DNM3: variants seen among roughly 807,000 people sequenced by gnomAD.
DNM3 encodes dynamin 3.
Under a neutral mutation model 101.6 loss-of-function variants are expected in DNM3, and 47 were observed. The observed-to-expected ratio is 0.46, with a 90% confidence interval of 0.37 to 0.59. The LOEUF (loss-of-function observed/expected upper bound fraction) is 0.59, where lower values mean the gene tolerates loss of function less well. Among genes scored for constraint, DNM3 ranks in the 20% least tolerant of loss-of-function variants. The pLI is 0.00. For missense variants in DNM3, 849 were observed against 1,085.7 expected, an observed-to-expected ratio of 0.78 and a Z score of 3.06; for synonymous variants, 385 against 387.9, an observed-to-expected ratio of 0.99 and a Z score of 0.09.
chr1:172,118,627 A>G (rs2056087740), intron 13 of DNM3, among the ~76,000 whole-genome samples: 1 of 151,942 alleles, frequency 6.6e-6, no homozygotes, highest in Non-Finnish European at 1.5e-5. Flanking sequence ...GATTCACCAT[A>G]TGAAATCAGA....
chr1:171,847,896 C>CTCTCTGTGTGTG (rs1200145388), intron 1 of DNM3, among the ~76,000 whole-genome samples: 39 of 141,238 alleles, frequency 2.8e-4, no homozygotes, highest in African/African-American at 9.7e-4. Flanking sequence ...CTCTCTCTCT[C>CTCTCTGTGTGTG]TGTGTGTGTG....
intron 20 of DNM3, among the ~76,000 whole-genome samples, chr1:172,392,078 A>G (rs540239471): frequency 2.0e-5 from 3 of 152,178 alleles, no homozygotes; most frequent in Non-Finnish European, 4.4e-5. Context: ...TTCCATTCCA[A>G]TATAAAAGGA....
chr1:172,278,670 A>T lies in DNM3; in HGVS notation c.1769+24988A>T, dbSNP rs1382824211. Among the ~76,000 whole-genome samples the T allele has an allele frequency of 2.6e-5, 4 of 152,128 alleles. No homozygotes were observed. In the South Asian group the frequency reaches 8.3e-4, roughly 31 times the overall value. ...AACATCCCTGCTGTGTCCTGCCTTC[A>T]GTTAAAAATCAGGAATATCAGCATG... On this transcript the variant is annotated intron_variant, in intron 15 of 20. Coordinates refer to ENST00000627582, the MANE Select transcript of DNM3 (RefSeq NM_015569.5).
intron 14 of DNM3, among the ~76,000 whole-genome samples, chr1:172,190,087 T>C (rs941310990): frequency 6.6e-6 from 1 of 151,736 alleles, no homozygotes; most frequent in African/African-American, 2.4e-5. Context: ...TGTATACATG[T>C]CCCATGTTGG....
chr1:171,950,151 T>C (rs75539037), intron 2 of DNM3, among the ~76,000 whole-genome samples: 33 of 152,042 alleles, frequency 2.2e-4, no homozygotes, highest in Non-Finnish European at 4.3e-4. Context: ...AAAGGAATTA[T>C]GTGCTCAGTG....
intron 13 of DNM3, among the ~76,000 whole-genome samples, chr1:172,109,714 C>T (rs2055318735): frequency 6.6e-6 from 1 of 152,238 alleles, no homozygotes; most frequent in African/African-American, 2.4e-5. Context: ...CAGGGCCTCT[C>T]CATTTCCCAT....
intron 1 of DNM3, among the ~76,000 whole-genome samples, chr1:171,858,770 C>T (rs1048365971): frequency 6.6e-6 from 1 of 152,086 alleles, no homozygotes; most frequent in Non-Finnish European, 1.5e-5. Context: ...TGCAGTGTGT[C>T]TTCCTTCCCC....
chr1:172,119,937 A>G (rs914487913), intron 13 of DNM3, among the ~76,000 whole-genome samples: 17 of 152,104 alleles, frequency 1.1e-4, no homozygotes, highest in African/African-American at 3.4e-4. Context: ...CCACTTCTCC[A>G]TATGTTCATT....
At chr1:171,924,155 C>A (rs191253479) in intron 2 of DNM3, among the ~76,000 whole-genome samples, 317 of 152,216 alleles carry the variant, frequency 2.1e-3, no homozygotes, top group Middle Eastern at 0.01. Context: ...GTATAGGTAT[C>A]TTTTTGAAAT....
intron 2 of DNM3, among the ~76,000 whole-genome samples, chr1:171,942,770 G>A (rs1448545561): frequency 6.6e-6 from 1 of 152,146 alleles, no homozygotes; most frequent in Non-Finnish European, 1.5e-5. Context: ...GAGCTGAAAG[G>A]GTGATCCAAG....
intron 17 of DNM3, among the ~76,000 whole-genome samples, chr1:172,351,623 G>T (rs2067207042): frequency 6.6e-6 from 1 of 152,076 alleles, no homozygotes; most frequent in Non-Finnish European, 1.5e-5. Context: ...AAATAAGTTT[G>T]GATGTTTTCA....
intron 17 of DNM3, among the ~76,000 whole-genome samples, chr1:172,327,707 G>A (rs1453801269): frequency 6.6e-6 from 1 of 152,022 alleles, no homozygotes; most frequent in Non-Finnish European, 1.5e-5. Flanking sequence ...GCCAATACAT[G>A]CCCTGGGGTC....
At chr1:171,945,769 G>T (rs912299773) in intron 2 of DNM3, among the ~76,000 whole-genome samples, 5 of 152,194 alleles carry the variant, frequency 3.3e-5, no homozygotes, top group African/African-American at 1.2e-4. Flanking sequence ...GGCGTGGGAT[G>T]TTGGATAACC....
chr1:172,050,642 T>A (rs2050141849), intron 10 of DNM3, among the ~76,000 whole-genome samples: 1 of 152,186 alleles, frequency 6.6e-6, no homozygotes, highest in Admixed American at 6.6e-5. Context: ...ATTATAAAAA[T>A]CTGGATAGGT....
chr1:171,893,644 G>A (rs1205329561), intron 1 of DNM3, among the ~76,000 whole-genome samples: 1 of 151,972 alleles, frequency 6.6e-6, no homozygotes, highest in African/African-American at 2.4e-5. Context: ...TTGTAGAGAT[G>A]AGGTCTCATT....
At chr1:172,231,487 A>T (rs2061335131) in intron 14 of DNM3, among the ~76,000 whole-genome samples, 1 of 152,132 alleles carries the variant, frequency 6.6e-6, no homozygotes, top group African/African-American at 2.4e-5. Context: ...AACCATAAAG[A>T]TGGGGAAAAA....
chr1:171,882,368 C>G (rs1223079317), intron 1 of DNM3, among the ~76,000 whole-genome samples: 1 of 140,496 alleles, frequency 7.1e-6, no homozygotes, highest in Non-Finnish European at 1.5e-5. Context: ...AGCCCTTTTG[C>G]ATAACAACTA....
intron 4 of DNM3, among the ~76,000 whole-genome samples, chr1:172,000,427 C>G: frequency 6.6e-6 from 1 of 152,056 alleles, no homozygotes; most frequent in East Asian, 1.9e-4. Context: ...CTTTGTCCCT[C>G]TGGCTTGTCA....
intron 14 of DNM3, among the ~76,000 whole-genome samples, chr1:172,163,216 A>G (rs1364734860): frequency 6.6e-6 from 1 of 151,238 alleles, no homozygotes; most frequent in Non-Finnish European, 1.5e-5. Flanking sequence ...AGCAAATTTC[A>G]AGTTTACAGT....
Sources: allele counts gnomAD v4.1 joint callset (sites outside exome capture counted in the v4.1 genomes callset), GRCh38; gene constraint gnomAD v4.1.1; transcripts MANE v1.5; gene names NCBI Gene and HGNC (gene_info 2026-07-23, HGNC 2026-07-21).